EPM2A: variants seen among roughly 807,000 people sequenced by gnomAD.
EPM2A encodes EPM2A glucan phosphatase, laforin, also known as laforin.
Under a neutral mutation model 26.5 loss-of-function variants are expected in EPM2A, and 21 were observed. The observed-to-expected ratio is 0.79, with a 90% CI of 0.56 to 1.14. EPM2A has a LOEUF of 1.14. Ranked by LOEUF, EPM2A falls within the 50% of genes most tolerant of loss-of-function variation. The pLI is 0.00. For missense variants in EPM2A, 458 were observed against 440.8 expected (o/e 1.04, Z -0.35); for synonymous variants, 217 against 177.6 (o/e 1.22, Z -1.76).
intron 4 of EPM2A, among the ~76,000 whole-genome samples, chr6:145,456,614 T>A (rs1175989339): frequency 6.6e-6 from 1 of 152,170 alleles, no homozygotes; most frequent in Non-Finnish European, 1.5e-5. Context: ...ATATGGACAA[T>A]TTCTACAAAC....
At chr6:145,529,047 C>A (rs1426445059) in intron 2 of EPM2A, among the ~76,000 whole-genome samples, 1 of 152,080 alleles carries the variant, frequency 6.6e-6, no homozygotes, top group East Asian at 1.9e-4. Context: ...GTCGTGGAGC[C>A]TAAAGATGTG....
At chr6:145,646,055 A>G (rs1777437227) in intron 2 of EPM2A, among the ~76,000 whole-genome samples, 1 of 152,188 alleles carries the variant, frequency 6.6e-6, no homozygotes, top group South Asian at 2.1e-4. Flanking sequence ...TAAATTATCC[A>G]TAGACTCTTA....
intron 2 of EPM2A, among the ~76,000 whole-genome samples, chr6:145,681,036 C>T (rs1780489654): frequency 1.3e-5 from 2 of 152,162 alleles, no homozygotes; most frequent in Non-Finnish European, 2.9e-5. Context: ...TATTTCTCCA[C>T]ATCCTCTCCA....
In EPM2A at chr6:145,625,745, A is replaced by G. The variant is rs900444071; in HGVS notation, c.*1671T>C. The stretch of plus-strand genomic sequence containing the variant: ...GCTGCCTCTGCCCAAAGCAAATGTC[A>G]TCTCCCCTAAGTGCCACAGTTCTAT... On this transcript the variant is annotated 3_prime_UTR_variant, in exon 4 of 4. Coordinates refer to ENST00000367519, the MANE Select transcript of EPM2A (RefSeq NM_005670.4). 8 of 984,834 alleles carry G rather than the reference A, an allele frequency of 8.1e-6. No individual in the cohort carries two copies. Among genetic ancestry groups the G allele is most frequent in the African/African-American group, 8.0e-5 (5 of 62,724 alleles). The allele number at this position is 984,834 out of a possible 1,614,324, so 61.0% of individuals were successfully genotyped here.
At chr6:145,526,276 G>C (rs77458597) in intron 2 of EPM2A, among the ~76,000 whole-genome samples, 2,241 of 152,020 alleles carry the variant, frequency 0.015, 45 homozygotes, top group African/African-American at 0.05. Context: ...TCCCAGGTTT[G>C]AGTATCAGAG....
chr6:145,681,864 G>C (rs1157598270), intron 2 of EPM2A, among the ~76,000 whole-genome samples: 4 of 152,078 alleles, frequency 2.6e-5, no homozygotes, highest in African/African-American at 7.2e-5. Context: ...TCTCTAGGTT[G>C]CCATATGTCC....
chr6:145,722,650 G>C (rs1194633822), intron 1 of EPM2A: 1 of 383,922 alleles, frequency 2.6e-6, no homozygotes, highest in African/African-American at 2.2e-5. Context: ...GTTGAGCTGT[G>C]TCCCCCAAAA....
At chr6:145,665,856 C>G (rs894158609) in intron 2 of EPM2A, among the ~76,000 whole-genome samples, 20 of 146,604 alleles carry the variant, frequency 1.4e-4, no homozygotes, top group Non-Finnish European at 2.2e-4. Flanking sequence ...AAGGCTGGTT[C>G]AATATACGCA....
chr6:145,520,028 G>T (rs1183626881), intron 2 of EPM2A, among the ~76,000 whole-genome samples: 1 of 152,008 alleles, frequency 6.6e-6, no homozygotes, highest in African/African-American at 2.4e-5. Context: ...CATCCTTTAA[G>T]ATTAGTTTTC....
intron 4 of EPM2A, among the ~76,000 whole-genome samples, chr6:145,398,764 G>T (rs151318609): frequency 1.3e-5 from 2 of 151,940 alleles, no homozygotes; most frequent in Admixed American, 6.6e-5. Flanking sequence ...GGAGGCTGAG[G>T]CGGGAGAATC....
intron 2 of EPM2A, among the ~76,000 whole-genome samples, chr6:145,539,619 T>C (rs1415235221): frequency 6.6e-6 from 1 of 152,156 alleles, no homozygotes; most frequent in Non-Finnish European, 1.5e-5. Flanking sequence ...CTACCAAAAC[T>C]CTCACTGTGA....
chr6:145,565,519 G>T (rs1204774725), intron 2 of EPM2A, among the ~76,000 whole-genome samples: 1 of 152,152 alleles, frequency 6.6e-6, no homozygotes, highest in Non-Finnish European at 1.5e-5. Context: ...TTGCTTCTCT[G>T]CCTCACAGCA....
intron 2 of EPM2A, among the ~76,000 whole-genome samples, chr6:145,602,079 A>G (rs1013426475): frequency 1.3e-5 from 2 of 152,106 alleles, no homozygotes; most frequent in Non-Finnish European, 2.9e-5. Context: ...TCATGGGAAT[A>G]TATTATTTTC....
intron 2 of EPM2A, among the ~76,000 whole-genome samples, chr6:145,570,471 G>T (rs781041748): frequency 3.9e-5 from 6 of 152,168 alleles, no homozygotes; most frequent in Non-Finnish European, 8.8e-5. Context: ...CATGATAAAG[G>T]AGAAAGGAAA....
At chr6:145,665,280 GA>G (rs1348450731) in intron 2 of EPM2A, among the ~76,000 whole-genome samples, 1 of 42,562 alleles carries the variant, frequency 2.3e-5, no homozygotes, top group Non-Finnish European at 4.2e-5. Context: ...GACTAATAAA[GA>G]AAAAAAGAGA....
At position 145,545,876 on chromosome 6, in the gene EPM2A, G is replaced by A. The variant is rs186123244; in HGVS notation, c.341-43301C>T. On this transcript the variant is annotated intron_variant, in intron 2 of 3. Coordinates refer to the EPM2A transcript ENST00000450221. ...AACAACTTTCCTTCCCTTTTTCTTC[G>A]CGTACACTTAGATCTGAAGGGTGTC... 1.5e-3 allele frequency among the ~76,000 whole-genome samples: 227 copies of A among 151,948 alleles called. 1 individual carries two copies. Among genetic ancestry groups the A allele is most frequent in the Admixed American group, 5.6e-3 (86 of 15,240 alleles).
At chr6:145,505,376 C>G (rs1200912795) in intron 2 of EPM2A, among the ~76,000 whole-genome samples, 1 of 151,836 alleles carries the variant, frequency 6.6e-6, no homozygotes, top group African/African-American at 2.4e-5. Context: ...TTATTTTTCT[C>G]TCTTACACAC....
chr6:145,610,173 C>T (rs1775362827), intron 2 of EPM2A, among the ~76,000 whole-genome samples: 1 of 150,290 alleles, frequency 6.7e-6, no homozygotes, highest in African/African-American at 2.5e-5. Flanking sequence ...AAGATCGTGC[C>T]ACTGCACTCC....
intron 2 of EPM2A, among the ~76,000 whole-genome samples, chr6:145,529,352 T>C (rs1288109786): frequency 6.6e-6 from 1 of 152,134 alleles, no homozygotes; most frequent in Non-Finnish European, 1.5e-5. Context: ...TTAACTGATA[T>C]GTCACACTTC....
Sources: allele counts gnomAD v4.1 joint callset (sites outside exome capture counted in the v4.1 genomes callset), GRCh38; gene constraint gnomAD v4.1.1; transcripts MANE v1.5; gene names NCBI Gene and HGNC (gene_info 2026-07-23, HGNC 2026-07-21).